ATXN7L1: variants seen among roughly 807,000 people sequenced by gnomAD.
ATXN7L1 encodes ataxin-7-like protein 1.
In ATXN7L1, 15 loss-of-function variants were observed where a neutral mutation model predicts 70.8. That is an observed-to-expected ratio of 0.21 (90% CI 0.14 to 0.33). ATXN7L1 has a LOEUF of 0.33. Among genes scored for constraint, ATXN7L1 ranks in the 10% least tolerant of loss-of-function variants. ATXN7L1 has a pLI of 1.00. For synonymous variants in ATXN7L1, 440 were observed against 445.1 expected (o/e 0.99, Z 0.14); for missense variants, 975 against 1,097.1 (o/e 0.89, Z 1.57).
intron 3 of ATXN7L1, among the ~76,000 whole-genome samples, chr7:105,743,328 G>A (rs766673699): frequency 6.6e-5 from 10 of 152,156 alleles, no homozygotes; most frequent in Non-Finnish European, 1.5e-4. Context: ...AGCTGAGAGC[G>A]GTTAGGCAGT....
chr7:105,858,185 C>T (rs921416071), intron 2 of ATXN7L1, among the ~76,000 whole-genome samples: 19 of 152,164 alleles, frequency 1.2e-4, no homozygotes, highest in African/African-American at 4.6e-4. Context: ...GAGCTATGAT[C>T]ATGCCACTGC....
intron 3 of ATXN7L1, among the ~76,000 whole-genome samples, chr7:105,697,285 T>C (rs1791852251): frequency 6.6e-6 from 1 of 152,174 alleles, no homozygotes; most frequent in Admixed American, 6.5e-5. Context: ...ACCGCTGCAA[T>C]CTCGACCATA....
intron 3 of ATXN7L1, among the ~76,000 whole-genome samples, chr7:105,781,110 C>T (rs1195335410): frequency 6.6e-6 from 1 of 152,086 alleles, no homozygotes; most frequent in African/African-American, 2.4e-5. Context: ...GTCAGAGAAG[C>T]CACTCAACAT....
At chr7:105,779,240 C>A (rs1295242001) in intron 3 of ATXN7L1, among the ~76,000 whole-genome samples, 1 of 152,180 alleles carries the variant, frequency 6.6e-6, no homozygotes, top group Non-Finnish European at 1.5e-5. Flanking sequence ...ATAAAGATAA[C>A]ACGACCAGAT....
intron 2 of ATXN7L1, 51 bp from the exon 3 acceptor site, chr7:105,788,759 G>T: frequency 1.4e-6 from 2 of 1,413,188 alleles, no homozygotes; most frequent in Non-Finnish European, 2.0e-6. Context: ...TTAAGTCTCA[G>T]AAGGTGTACA....
intron 3 of ATXN7L1, among the ~76,000 whole-genome samples, chr7:105,679,988 T>C (rs1805323503): frequency 6.6e-6 from 1 of 151,868 alleles, no homozygotes; most frequent in Non-Finnish European, 1.5e-5. Flanking sequence ...ACCTCTCCTG[T>C]GTGGCATCCA....
rs1281401178 is a variant in ATXN7L1, at chr7:105,812,821, T to C, written c.251-24113A>G. On this transcript the variant is annotated intron_variant, in intron 2 of 11. Transcript: ENST00000419735. ...TTCAAGACCAGCCTGGACAACATGA[T>C]GAAACCCTGTCTCTAGAAAAAACAC... Among the ~76,000 whole-genome samples the C allele has an allele frequency of 3.3e-5, 5 of 152,136 alleles. No individual in the cohort carries two copies. In the East Asian group the frequency reaches 9.7e-4, roughly 29 times the overall value.
Position 105,672,261 on chromosome 7 carries a change from C to T in ATXN7L1, c.356-6973G>A, listed in dbSNP as rs187492499. Among the ~76,000 whole-genome samples, 788 of 152,164 alleles carry T rather than the reference C, an allele frequency of 5.2e-3. 8 individuals carry two copies. Among genetic ancestry groups the T allele is most frequent in the South Asian group, 0.024 (114 of 4,824 alleles). On this transcript the variant is annotated intron_variant, in intron 3 of 11. Transcript: ENST00000419735. ...AGATCATGCCACTGCACTCCAGTCT[C>T]GGCGACAGAGTGAGACTCCGTCCCC...
intron 3 of ATXN7L1, among the ~76,000 whole-genome samples, chr7:105,778,975 G>A (rs1803158758): frequency 6.6e-6 from 1 of 152,218 alleles, no homozygotes; most frequent in South Asian, 2.1e-4. Flanking sequence ...ATTAAAATGA[G>A]AAAGAGCAAT....
Position 105,605,759 on chromosome 7 carries a change from T to C in ATXN7L1, c.*2093A>G, listed in dbSNP as rs1792739702. The C allele has an allele frequency of 6.6e-6, 1 of 152,156 alleles. No individual in the cohort carries two copies. Among genetic ancestry groups the C allele is most frequent in the African/African-American group, 2.4e-5 (1 of 41,430 alleles). The allele number at this position is 152,156 out of a possible 1,614,324, so 9.4% of individuals were successfully genotyped here. ...CCTCTGAAACCGAACAAGACAAAAT[T>C]GTGCAAAAATAACAAAGATATGTAC... On this transcript the variant is annotated 3_prime_UTR_variant, in exon 12 of 12. Coordinates refer to ENST00000419735, the MANE Select transcript of ATXN7L1 (RefSeq NM_020725.2).
At chr7:105,619,165 T>TTTTTTTTTTA (rs869296716) in intron 9 of ATXN7L1, among the ~76,000 whole-genome samples, 5 of 140,542 alleles carry the variant, frequency 3.6e-5, no homozygotes, top group African/African-American at 5.3e-5. Context: ...TTTTTTTTTT[T>TTTTTTTTTTA]GAGACGGAGT....
At chr7:105,679,262 G>A (rs1288287179) in intron 3 of ATXN7L1, 3 of 597,380 alleles carry the variant, frequency 5.0e-6, no homozygotes, top group Admixed American at 1.3e-4. Context: ...CCTGAATTTG[G>A]CAGATGAACT....
chr7:105,853,480 G>C (rs1033762221), intron 2 of ATXN7L1, among the ~76,000 whole-genome samples: 1 of 152,134 alleles, frequency 6.6e-6, no homozygotes, highest in East Asian at 1.9e-4. Context: ...CTTGAACCCG[G>C]GAGGCGGAGG....
At chr7:105,725,165 A>C (rs1231790854) in intron 3 of ATXN7L1, among the ~76,000 whole-genome samples, 3 of 152,190 alleles carry the variant, frequency 2.0e-5, no homozygotes, top group Non-Finnish European at 4.4e-5. Flanking sequence ...ACCCATTGTG[A>C]CCTTGTTAAC....
intron 2 of ATXN7L1, among the ~76,000 whole-genome samples, chr7:105,837,002 C>T (rs1309206453): frequency 5.3e-5 from 8 of 152,100 alleles, no homozygotes; most frequent in African/African-American, 1.4e-4. Flanking sequence ...AGGCATGGTA[C>T]TGACATTGCT....
chr7:105,619,140 G>GTCTTTTTTTTT (rs1794377647), intron 9 of ATXN7L1, among the ~76,000 whole-genome samples: 2 of 49,846 alleles, frequency 4.0e-5, no homozygotes, highest in Non-Finnish European at 6.6e-5. Context: ...GAAATCTTTA[G>GTCTTTTTTTTT]TTTTTTTTTT....
chr7:105,638,220 C>T, intron 7 of ATXN7L1, 133 bp downstream of exon 7: 1 of 1,260,144 alleles, frequency 7.9e-7, no homozygotes, highest in East Asian at 2.6e-5. Context: ...CTCATTTAAA[C>T]TTTACTACTT....
chr7:105,651,141 G>A (rs908098437), intron 4 of ATXN7L1, among the ~76,000 whole-genome samples: 7 of 152,172 alleles, frequency 4.6e-5, no homozygotes, highest in African/African-American at 1.7e-4. Context: ...GTGAGTGCTG[G>A]TTTCAGTCCT....
chr7:105,802,945 C>G (rs1563105729), intron 2 of ATXN7L1, among the ~76,000 whole-genome samples: 1 of 152,236 alleles, frequency 6.6e-6, no homozygotes, highest in Non-Finnish European at 1.5e-5. Flanking sequence ...GTGTAAACTG[C>G]TGGGGTCAGG....
Sources: gnomAD v4.1 joint callset for allele counts (sites outside exome capture counted in the v4.1 genomes callset) on GRCh38, gnomAD v4.1.1 for gene constraint, MANE v1.5 for transcripts, NCBI Gene and HGNC (gene_info 2026-07-23, HGNC 2026-07-21) for gene names.